Variants in CHCHD6 observed in about 807,000 individuals in gnomAD.
The protein encoded by CHCHD6 is coiled-coil-helix-coiled-coil-helix domain containing 6.
Under a neutral mutation model 32.3 loss-of-function variants are expected in CHCHD6, and 28 were observed. That is an observed-to-expected ratio of 0.87 (90% CI 0.64 to 1.19). The LOEUF is 1.19. Ranked by LOEUF, CHCHD6 falls within the 50% of genes most tolerant of loss-of-function variation. The pLI, the probability that CHCHD6 is intolerant of heterozygous loss-of-function variation, is 0.00. For missense variants in CHCHD6, 333 were observed against 307.0 expected, an observed-to-expected ratio of 1.08 and a Z score of -0.63; for synonymous variants, 122 against 117.5, an observed-to-expected ratio of 1.04 and a Z score of -0.25.
At chr3:126,927,261 A>T (rs916608059) in intron 6 of CHCHD6, among the ~76,000 whole-genome samples, 1 of 152,210 alleles carries the variant, frequency 6.6e-6, no homozygotes, top group Non-Finnish European at 1.5e-5. Context: ...CATGCGCTGA[A>T]CATGAGCATC....
chr3:126,881,572 A>C (rs2077610663), intron 5 of CHCHD6, among the ~76,000 whole-genome samples: 1 of 152,238 alleles, frequency 6.6e-6, no homozygotes, highest in African/African-American at 2.4e-5. Context: ...TGAGAAATTA[A>C]TCACTAATAC....
chr3:126,894,265 G>A (rs777225761), intron 5 of CHCHD6, among the ~76,000 whole-genome samples: 73 of 152,210 alleles, frequency 4.8e-4, no homozygotes, highest in Non-Finnish European at 7.9e-4. Context: ...TTGGGGGCTG[G>A]TCCTTCCTCT....
intron 4 of CHCHD6, among the ~76,000 whole-genome samples, chr3:126,779,272 C>T (rs1318220297): frequency 6.6e-6 from 1 of 152,002 alleles, no homozygotes; most frequent in Non-Finnish European, 1.5e-5. Flanking sequence ...GGTGCAGTGC[C>T]TCACGCCTGT....
chr3:126,735,032 G>C (rs1576352924), intron 4 of CHCHD6, among the ~76,000 whole-genome samples: 2 of 152,284 alleles, frequency 1.3e-5, no homozygotes, highest in African/African-American at 4.8e-5. Flanking sequence ...CATGCCTTCA[G>C]AGGCTCTTGC....
chr3:126,737,119 G>C (rs191305658), intron 4 of CHCHD6, among the ~76,000 whole-genome samples: 1 of 151,942 alleles, frequency 6.6e-6, no homozygotes, highest in Non-Finnish European at 1.5e-5. Flanking sequence ...TCAGGAGTTC[G>C]AGACCAGCCT....
chr3:126,958,857 C>T (rs567554489), intron 7 of CHCHD6, among the ~76,000 whole-genome samples: 2 of 152,296 alleles, frequency 1.3e-5, no homozygotes, highest in Non-Finnish European at 2.9e-5. Flanking sequence ...CCCTTCGCAC[C>T]GACCAGACAC....
chr3:126,946,112 A>G (rs1361443367), intron 6 of CHCHD6, among the ~76,000 whole-genome samples: 1 of 152,084 alleles, frequency 6.6e-6, no homozygotes, highest in Non-Finnish European at 1.5e-5. Flanking sequence ...TCCAGAGGCC[A>G]TGGCTGCAAG....
intron 1 of CHCHD6, among the ~76,000 whole-genome samples, chr3:126,713,087 T>C (rs971855877): frequency 6.6e-6 from 1 of 152,218 alleles, no homozygotes; most frequent in Non-Finnish European, 1.5e-5. Flanking sequence ...CTATACTATC[T>C]TCCCCTTGAC....
rs73205630 is a variant in CHCHD6, at chr3:126,879,258, G to A, written c.495+26528G>A. ...ATACAGACCTCACCACAGTGGGGCAGGGTGGGATGAGGCATCATGTCCCAT... is the reference window on the plus strand; with the variant it reads ...ATACAGACCTCACCACAGTGGGGCAAGGTGGGATGAGGCATCATGTCCCAT... On this transcript the variant is annotated intron_variant, in intron 5 of 7. Transcript: ENST00000290913. 7.3e-3 allele frequency among the ~76,000 whole-genome samples: 1,105 copies of A among 152,328 alleles called. 7 individuals carry two copies. Among genetic ancestry groups the A allele is most frequent in the Non-Finnish European group, 0.012 (812 of 68,026 alleles).
chr3:126,750,158 G>A (rs1936670430), intron 4 of CHCHD6, among the ~76,000 whole-genome samples: 2 of 152,234 alleles, frequency 1.3e-5, no homozygotes, highest in South Asian at 2.1e-4. Context: ...GTTCTCCATA[G>A]TTAGCAGTGG....
intron 4 of CHCHD6, among the ~76,000 whole-genome samples, chr3:126,744,689 A>AT (rs1032320319): frequency 4.0e-5 from 6 of 149,776 alleles, no homozygotes; most frequent in Admixed American, 6.7e-5. Flanking sequence ...CACTTCCTGT[A>AT]TTTTTTTTTT....
At chr3:126,751,740 T>C (rs1042181012) in intron 4 of CHCHD6, among the ~76,000 whole-genome samples, 8 of 152,184 alleles carry the variant, frequency 5.3e-5, no homozygotes, top group African/African-American at 1.9e-4. Context: ...TGGGGTCGAA[T>C]CCTGCTTCCC....
rs150420804 is a variant in CHCHD6 at position 126,915,866 on chromosome 3, A to G, written c.566+1116A>G. On this transcript the variant is annotated intron_variant, in intron 6 of 7. Coordinates refer to ENST00000290913, the MANE Select transcript of CHCHD6 (RefSeq NM_032343.3). ...AGTGTAGTGGCAGAATCATGGCTCA[A>G]TGCAGCCTTGACCTCCTGGGCTTAG... Among the ~76,000 whole-genome samples, 16 of 152,202 alleles carry G rather than the reference A, an allele frequency of 1.1e-4. No homozygotes were observed. In the East Asian group the frequency reaches 1.6e-3, roughly 15 times the overall value.
At chr3:126,748,190 C>T (rs1274810215) in intron 4 of CHCHD6, among the ~76,000 whole-genome samples, 1 of 152,230 alleles carries the variant, frequency 6.6e-6, no homozygotes, top group Admixed American at 6.5e-5. Flanking sequence ...CAAGCAGCTA[C>T]TCTGGTTGCC....
chr3:126,849,353 G>A (rs1320217052), intron 4 of CHCHD6, among the ~76,000 whole-genome samples: 5 of 152,208 alleles, frequency 3.3e-5, no homozygotes, highest in African/African-American at 9.7e-5. Flanking sequence ...TTTCTGTTTG[G>A]TATTGGACAC....
chr3:126,880,147 G>A (rs1454882234), intron 5 of CHCHD6, among the ~76,000 whole-genome samples: 1 of 152,152 alleles, frequency 6.6e-6, no homozygotes, highest in Non-Finnish European at 1.5e-5. Flanking sequence ...ATACACCTGG[G>A]ATAAGAGGAG....
At position 126,852,748 on chromosome 3, in the gene CHCHD6, C is replaced by T. The variant is rs9818528; in HGVS notation, c.495+18C>T. 6.4e-7 allele frequency: 1 copy of T among 1,571,810 alleles called. No individual in the cohort carries two copies. The highest frequency in any genetic ancestry group is 8.8e-7 in the Non-Finnish European group (1 of 1,142,266). On this transcript the variant is annotated intron_variant, in intron 5 of 7. Transcript: ENST00000290913. The stretch of plus-strand genomic sequence containing the variant: ...AGAGGAAGGTAAGACTCCTGCTTGG[C>T]TGCATTCCTCGGGGCCAGGTCCTAA...
At chr3:126,809,292 C>T (rs996681497) in intron 4 of CHCHD6, among the ~76,000 whole-genome samples, 4 of 152,154 alleles carry the variant, frequency 2.6e-5, no homozygotes, top group African/African-American at 7.2e-5. Context: ...TTTGCTTTGA[C>T]GGGACCCCTT....
chr3:126,777,793 A>G (rs1186811211), intron 4 of CHCHD6, among the ~76,000 whole-genome samples: 1 of 152,244 alleles, frequency 6.6e-6, no homozygotes, highest in East Asian at 1.9e-4. Flanking sequence ...TTCACTTACC[A>G]TATGTCTCCC....
Sources: gnomAD v4.1 joint callset for allele counts (sites outside exome capture counted in the v4.1 genomes callset) on GRCh38, gnomAD v4.1.1 for gene constraint, MANE v1.5 for transcripts, NCBI Gene and HGNC (gene_info 2026-07-23, HGNC 2026-07-21) for gene names.